DNAH2: variants seen among roughly 807,000 people sequenced by gnomAD.
DNAH2 encodes the protein dynein axonemal heavy chain 2.
In DNAH2, 323 loss-of-function variants were observed where a neutral mutation model predicts 523.5. The ratio of observed to expected loss-of-function variants is 0.62; its 90% CI spans 0.56 to 0.68. The LOEUF (loss-of-function observed/expected upper bound fraction) is 0.68. Ranked by LOEUF, DNAH2 falls within the 30% of genes least tolerant of loss-of-function variation. DNAH2 has a pLI of 0.00. For synonymous variants in DNAH2, 2,093 were observed against 2,177.4 expected, an observed-to-expected ratio of 0.96 and a Z score of 1.08; for missense variants, 4,907 against 5,701.5, an observed-to-expected ratio of 0.86 and a Z score of 4.49.
chr17:7,770,651 T>C lies in DNAH2; in HGVS notation c.4181+12T>C. The C allele has an allele frequency of 6.2e-7, 1 of 1,614,056 alleles. No individual in the cohort carries two copies. Among genetic ancestry groups the C allele is most frequent in the Non-Finnish European group, 8.5e-7 (1 of 1,179,968 alleles). On this transcript the variant is annotated intron_variant, in intron 26 of 85. Transcript: ENST00000572933. ...CATCATCGGCTCAGGTCAGGGGAGC[T>C]GGGGCTCTAGGAGAATGGAGGGCTG...
chr17:7,817,357 T>C lies in DNAH2; in HGVS notation c.9962T>C (p.Met3321Thr), dbSNP rs370528101. The change falls in exon 65 of 86, where the codon ATG becomes ACG. Residue 3321 changes from methionine to threonine, a missense_variant. This residue lies in a region of DNAH2 where 1,851 missense variants were observed against 2,139.4 expected (regional missense o/e 0.87). Coordinates refer to ENST00000572933, the MANE Select transcript of DNAH2 (RefSeq NM_020877.5). ...CTGGCAGCTGCCTTCCTGTCCTACA[T>C]GGGACCCTTCCTGACCAACTACCGG... The part of the protein sequence containing the change: ...CLLAAAFLSY[M>T]GPFLTNYRDE... 1 of 1,612,784 alleles carries C rather than the reference T, an allele frequency of 6.2e-7. No individual in the cohort carries two copies. Among genetic ancestry groups the C allele is most frequent in the South Asian group, 1.1e-5 (1 of 90,832 alleles).
chr17:7,816,640 A>G lies in DNAH2; in HGVS notation c.9799A>G (p.Lys3267Glu). The change falls in exon 64 of 86, where the codon AAG becomes GAG. Residue 3267 changes from lysine to glutamate, a missense_variant. Physicochemically the swap from Lys to Glu is moderately conservative, Grantham distance 56. This residue lies in a region of DNAH2 where 1,851 missense variants were observed against 2,139.4 expected (regional missense o/e 0.87). Transcript: ENST00000572933. ...GCTGGCACAGAAGGAGGAGCTTCGC[A>G]AGAAGTCTGAAGAGATGGAGCTGAA... Reference protein sequence around the residue: ...EKLAQKEELRKKSEEMELKLE... With the variant: ...EKLAQKEELREKSEEMELKLE... The G allele has an allele frequency of 6.2e-7, 1 of 1,614,252 alleles. No individual in the cohort carries two copies. Among genetic ancestry groups the G allele is most frequent in the Non-Finnish European group, 8.5e-7 (1 of 1,180,048 alleles).
chr17:7,772,128 G>A (rs113512082), intron 28 of DNAH2, among the ~76,000 whole-genome samples: 252 of 152,232 alleles, frequency 1.7e-3, no homozygotes, highest in African/African-American at 5.5e-3. Flanking sequence ...AGGCCTGGTC[G>A]ACTGGGGGAG....
chr17:7,727,110 C>G lies in DNAH2; in HGVS notation c.229-12C>G, dbSNP rs758904095. The stretch of plus-strand genomic sequence containing the variant: ...GTTGTAGTTACTTTGGCCCTCTGCT[C>G]TCCTTCTGTAGAAGCCCCTCTTCCT... On this transcript the variant is annotated splice_polypyrimidine_tract_variant and intron_variant, in intron 3 of 85. Coordinates refer to ENST00000572933, the MANE Select transcript of DNAH2 (RefSeq NM_020877.5). 1.3e-6 allele frequency: 2 copies of G among 1,537,392 alleles called. No homozygotes were observed. Among genetic ancestry groups the G allele is most frequent in the South Asian group, 2.6e-5 (2 of 77,316 alleles).
chr17:7,832,726 G>C lies in DNAH2; in HGVS notation c.12874G>C (p.Val4292Leu), dbSNP rs767393535. ...CTTTCCCACTGGCTTCCTCACTGCTGTGCTGCAGTCTTCAGCTCGCCAAAA... is the reference window on the plus strand; with the variant it reads ...CTTTCCCACTGGCTTCCTCACTGCTCTGCTGCAGTCTTCAGCTCGCCAAAA... ...FTFPTGFLTAVLQSSARQNNV... is the reference protein window; with the variant it reads ...FTFPTGFLTALLQSSARQNNV... The change falls in exon 83 of 86, where the codon GTG becomes CTG. Residue 4292 changes from valine (V) to leucine (L), a missense_variant. By Grantham distance (32) the Val-to-Leu change is conservative (BLOSUM62 1). Transcript: ENST00000572933. The surrounding 1 kb of genome is among the most constrained non-coding windows in gnomAD (Gnocchi z 4.3). 9.9e-6 allele frequency: 16 copies of C among 1,613,958 alleles called. No homozygotes were observed. The highest frequency in any genetic ancestry group is 2.5e-6 in the Non-Finnish European group (3 of 1,180,046).
intron 12 of DNAH2, among the ~76,000 whole-genome samples, chr17:7,750,924 A>G (rs2075664023): frequency 6.6e-6 from 1 of 152,144 alleles, no homozygotes. Context: ...TATCTCCAAT[A>G]TTGTTAATTC....
intron 61 of DNAH2, 145 bp downstream of exon 61, chr17:7,805,538 G>T (rs928667711): frequency 4.9e-6 from 6 of 1,224,594 alleles, no homozygotes; most frequent in Admixed American, 2.5e-5. Flanking sequence ...AAAGGAGACC[G>T]CATGAATATC....
In DNAH2 at chr17:7,768,073, C is replaced by T. The variant is rs202059472; in HGVS notation, c.3837+12C>T. On this transcript the variant is annotated intron_variant, in intron 23 of 85. Transcript: ENST00000572933. Reference sequence around the variant, plus strand: ...CCAAAGAGTATAAGGTGGGGAGAAACGGCGGGGAGGCGGAAGAGAAGCTGG... The same window carrying T: ...CCAAAGAGTATAAGGTGGGGAGAAATGGCGGGGAGGCGGAAGAGAAGCTGG... 62 of 1,614,066 alleles carry T rather than the reference C, an allele frequency of 3.8e-5. No individual in the cohort carries two copies. The highest frequency in any genetic ancestry group is 2.1e-4 in the African/African-American group (16 of 75,016).
intron 4 of DNAH2, among the ~76,000 whole-genome samples, chr17:7,731,805 G>A (rs1188575928): frequency 1.3e-5 from 2 of 152,086 alleles, no homozygotes; most frequent in East Asian, 3.8e-4. Context: ...GAGGCAGGCG[G>A]ATCACCTAAG....
intron 68 of DNAH2, 80 bp downstream of exon 68, chr17:7,818,176 C>T: frequency 3.1e-6 from 5 of 1,598,778 alleles, no homozygotes; most frequent in Admixed American, 1.7e-5. Context: ...CCTCTTCTTA[C>T]CTGTCCCTCC....
intron 31 of DNAH2, 110 bp from the exon 32 acceptor site, chr17:7,776,669 G>T: frequency 1.3e-6 from 1 of 754,916 alleles, no homozygotes; most frequent in Non-Finnish European, 2.2e-6. Context: ...AGAGCAGATT[G>T]GGTGCAGTTG....
chr17:7,779,817 G>A (rs2076555045), intron 36 of DNAH2, among the ~76,000 whole-genome samples: 1 of 152,102 alleles, frequency 6.6e-6, no homozygotes, highest in Non-Finnish European at 1.5e-5. Flanking sequence ...GATAGGAAAG[G>A]GTTTAGGAAC....
chr17:7,777,700 A>G (rs1056557542), intron 33 of DNAH2, 66 bp downstream of exon 33: 5 of 1,580,458 alleles, frequency 3.2e-6, no homozygotes, highest in African/African-American at 1.3e-5. Context: ...TATTGCATCC[A>G]TGTTCTGTAA....
At position 7,833,483 on chromosome 17, in the gene DNAH2, G is replaced by T. The variant is rs1210808794; in HGVS notation, c.13234G>T (p.Asp4412Tyr). 6.2e-7 allele frequency: 1 copy of T among 1,614,102 alleles called. No homozygotes were observed. Among genetic ancestry groups the T allele is most frequent in the Admixed American group, 1.7e-5 (1 of 60,024 alleles). ...IDLRSGAMTP[D>Y]HWIKRGTALL... ...CCTGCGGTCTGGGGCCATGACACCT[G>T]ATCATTGGATCAAGAGGGGCACTGC... Residue 4412 changes from aspartate to tyrosine, a missense_variant, in exon 86 of 86, where the codon GAT (aspartate) becomes TAT (tyrosine). Around this residue, in one of 3 missense-constraint regions of DNAH2, gnomAD observed 1,851 missense variants for 2,139.4 expected, o/e 0.87. Coordinates refer to ENST00000572933, the MANE Select transcript of DNAH2 (RefSeq NM_020877.5).
Position 7,780,916 on chromosome 17 carries a change from GC to G in DNAH2, c.6004-123del. 1 of 1,581,120 alleles carries G rather than the reference GC, an allele frequency of 6.3e-7. No individual in the cohort carries two copies. Among genetic ancestry groups the G allele is most frequent in the Non-Finnish European group, 8.6e-7 (1 of 1,160,372 alleles). ...TCCCACCTCGTCCCATCCCCGTGTT[GC>G]CCGCTGCTTTGCTAATGGCTAACTG... is the stretch of plus-strand genomic sequence containing the variant. On this transcript the variant is annotated intron_variant, in intron 38 of 85. Transcript: ENST00000572933. The surrounding 1 kb of genome is among the most constrained non-coding windows in gnomAD (Gnocchi z 4.4).
chr17:7,817,712 G>A lies in DNAH2; in HGVS notation c.10169+3G>A, dbSNP rs872346. ...ATCATCGTCACCCGAGGCAACAGGT[G>A]AGGGTGCTGCTGGGCGTGGGGGCGG... On this transcript the variant is annotated splice_donor_region_variant and intron_variant, in intron 66 of 85. Coordinates refer to ENST00000572933, the MANE Select transcript of DNAH2 (RefSeq NM_020877.5). 0.34 allele frequency: 554,868 copies of A among 1,613,956 alleles called. 103,051 individuals carry two copies. Among genetic ancestry groups the A allele is most frequent in the Non-Finnish European group, 0.39 (463,388 of 1,179,936 alleles).
intron 28 of DNAH2, among the ~76,000 whole-genome samples, chr17:7,774,381 G>A (rs1007679180): frequency 1.3e-5 from 2 of 152,122 alleles, no homozygotes; most frequent in Non-Finnish European, 2.9e-5. Context: ...TCAGAACAGT[G>A]TGCAATTAAA....
intron 2 of DNAH2, among the ~76,000 whole-genome samples, chr17:7,722,076 G>T (rs1160874668): frequency 6.6e-6 from 1 of 152,014 alleles, no homozygotes; most frequent in East Asian, 1.9e-4. Flanking sequence ...TCGGCTCACT[G>T]CGACCTCTGC....
intron 43 of DNAH2, 42 bp from the exon 44 acceptor site, chr17:7,788,044 G>A: frequency 6.2e-7 from 1 of 1,613,468 alleles, no homozygotes; most frequent in Non-Finnish European, 8.5e-7. Flanking sequence ...GTGGCTCCAG[G>A]ACACAAGGGT....
Sources: gnomAD v4.1 joint callset for allele counts (sites outside exome capture counted in the v4.1 genomes callset) on GRCh38, gnomAD v4.1.1 for gene constraint, gnomAD v4.1.1 regional missense constraint, Gnocchi (gnomAD v3.1) non-coding constraint, MANE v1.5 for transcripts, NCBI Gene and HGNC (gene_info 2026-07-23, HGNC 2026-07-21) for gene names.